The following MRPS28 variants were observed in gnomAD, a reference collection of about 807,000 sequenced individuals.
MRPS28 encodes the protein small ribosomal subunit protein bS1m.
In MRPS28, 7 loss-of-function variants were observed where a neutral mutation model predicts 10.8. The observed-to-expected ratio is 0.65, with a 90% CI of 0.37 to 1.22. MRPS28 has a LOEUF of 1.22. MRPS28 is among the 50% of genes most tolerant of loss of function. The probability of loss-of-function intolerance (pLI) is 0.02; values close to 1 mark genes in which losing one functional copy is unlikely to be tolerated. For missense variants in MRPS28, 265 were observed against 232.9 expected (o/e 1.14, Z -0.90); for synonymous variants, 121 against 93.3 (o/e 1.30, Z -1.71).
intron 2 of MRPS28, among the ~76,000 whole-genome samples, chr8:79,923,195 A>C (rs981451353): frequency 6.6e-6 from 1 of 152,208 alleles, no homozygotes; most frequent in Middle Eastern, 3.2e-3. Flanking sequence ...AAAAAACTAG[A>C]GATATCCTCC....
chr8:79,973,071 C>A (rs1807679192), intron 2 of MRPS28, among the ~76,000 whole-genome samples: 19 of 152,274 alleles, frequency 1.2e-4, no homozygotes, highest in Admixed American at 1.2e-3. Flanking sequence ...TGGTTTGGAA[C>A]ACAAAATGAA....
At chr8:79,977,873 CATAA>C (rs1208550923) in intron 2 of MRPS28, among the ~76,000 whole-genome samples, 10 of 151,702 alleles carry the variant, frequency 6.6e-5, no homozygotes, top group Non-Finnish European at 1.2e-4. Flanking sequence ...GAAACACTTG[CATAA>C]ATAGAATTTT....
chr8:79,962,376 G>A (rs1407466500), intron 2 of MRPS28, among the ~76,000 whole-genome samples: 1 of 152,082 alleles, frequency 6.6e-6, no homozygotes, highest in African/African-American at 2.4e-5. Flanking sequence ...TGGTTCAAAG[G>A]GCAGAATAAT....
chr8:79,974,363 C>A (rs1807728826), intron 2 of MRPS28, among the ~76,000 whole-genome samples: 2 of 151,666 alleles, frequency 1.3e-5, no homozygotes, highest in African/African-American at 4.8e-5. Flanking sequence ...ACACGGTGAC[C>A]CCTTGTCTCT....
intron 2 of MRPS28, among the ~76,000 whole-genome samples, chr8:79,984,204 C>T (rs560987760): frequency 2.0e-5 from 3 of 152,282 alleles, no homozygotes; most frequent in South Asian, 2.1e-4. Flanking sequence ...AAATAAAATC[C>T]TTTACAGACT....
At chr8:80,025,988 AAC>A (rs1563546301) in intron 1 of MRPS28, among the ~76,000 whole-genome samples, 3 of 152,214 alleles carry the variant, frequency 2.0e-5, no homozygotes, top group Non-Finnish European at 4.4e-5. Flanking sequence ...ATGCATAAAA[AAC>A]ACACTCTCCA....
In MRPS28 at chr8:80,017,441, T is replaced by C. The variant is rs116843743; in HGVS notation, c.213+12595A>G. Among the ~76,000 whole-genome samples, 293 of 151,846 alleles carry C rather than the reference T, an allele frequency of 1.9e-3. 2 individuals carry two copies. The highest frequency in any genetic ancestry group is 2.9e-3 in the Admixed American group (44 of 15,262). Reference sequence around the variant, plus strand: ...ATGAAAGAGAGGACATCACTACATATCCCATGAACATTAAAGAAATACTAT... The same window carrying C: ...ATGAAAGAGAGGACATCACTACATACCCCATGAACATTAAAGAAATACTAT... On this transcript the variant is annotated intron_variant, in intron 1 of 2. Transcript: ENST00000276585.
At chr8:79,972,287 G>A (rs1045471140) in intron 2 of MRPS28, among the ~76,000 whole-genome samples, 1 of 152,090 alleles carries the variant, frequency 6.6e-6, no homozygotes, top group African/African-American at 2.4e-5. Context: ...TTTATTAAAG[G>A]GACTTCAGCA....
chr8:79,925,679 A>C (rs773794707), intron 2 of MRPS28, among the ~76,000 whole-genome samples: 4 of 152,196 alleles, frequency 2.6e-5, no homozygotes, highest in Non-Finnish European at 5.9e-5. Flanking sequence ...CAAGTTACAA[A>C]AGAAGATGTG....
intron 2 of MRPS28, among the ~76,000 whole-genome samples, chr8:79,946,737 A>G (rs1478714716): frequency 6.6e-6 from 1 of 152,108 alleles, no homozygotes; most frequent in African/African-American, 2.4e-5. Flanking sequence ...TTCAGTATGG[A>G]AAAAAACGCT....
chr8:80,017,577 A>C (rs751928176), intron 1 of MRPS28, among the ~76,000 whole-genome samples: 8 of 152,216 alleles, frequency 5.3e-5, no homozygotes, highest in Non-Finnish European at 7.3e-5. Flanking sequence ...GAATAGGCCT[A>C]TGTCTATTAA....
At chr8:79,980,910 T>C (rs970024247) in intron 2 of MRPS28, among the ~76,000 whole-genome samples, 10 of 152,226 alleles carry the variant, frequency 6.6e-5, no homozygotes, top group African/African-American at 2.4e-4. Context: ...TCACCATCAC[T>C]ACCATTACTA....
intron 2 of MRPS28, among the ~76,000 whole-genome samples, chr8:79,945,227 C>T (rs1586050323): frequency 6.6e-6 from 1 of 152,132 alleles, no homozygotes; most frequent in South Asian, 2.1e-4. Flanking sequence ...GGAAAATATG[C>T]ATATATAATA....
At chr8:79,926,802 A>T (rs1810244550) in intron 2 of MRPS28, among the ~76,000 whole-genome samples, 1 of 152,170 alleles carries the variant, frequency 6.6e-6, no homozygotes, top group Non-Finnish European at 1.5e-5. Context: ...ATATCTGTGG[A>T]ATATTTTTAA....
chr8:79,955,843 A>T (rs1162889179), intron 2 of MRPS28, among the ~76,000 whole-genome samples: 2 of 152,236 alleles, frequency 1.3e-5, no homozygotes, highest in African/African-American at 4.8e-5. Flanking sequence ...TAAGAATGGC[A>T]ATTTTTTAGT....
At chr8:79,934,663 T>C (rs370664984) in intron 2 of MRPS28, among the ~76,000 whole-genome samples, 2 of 152,224 alleles carry the variant, frequency 1.3e-5, no homozygotes, top group East Asian at 1.9e-4. Flanking sequence ...TAGATTTATA[T>C]ATATGTTAAA....
chr8:79,997,985 G>A (rs1808551001), intron 2 of MRPS28, among the ~76,000 whole-genome samples: 1 of 151,438 alleles, frequency 6.6e-6, no homozygotes, highest in Admixed American at 6.6e-5. Context: ...AACCTGGGAG[G>A]CAGAAGTTGC....
At chr8:79,962,561 C>T (rs1036058268) in intron 2 of MRPS28, among the ~76,000 whole-genome samples, 4 of 152,154 alleles carry the variant, frequency 2.6e-5, no homozygotes, top group Non-Finnish European at 2.9e-5. Flanking sequence ...ACAACAGTTT[C>T]ACTCCTGATA....
At chr8:79,958,805 A>G (rs1238332797) in intron 2 of MRPS28, among the ~76,000 whole-genome samples, 1 of 152,172 alleles carries the variant, frequency 6.6e-6, no homozygotes, top group African/African-American at 2.4e-5. Flanking sequence ...AATGTTTCAC[A>G]TTTAACCCCC....
Sources: allele counts gnomAD v4.1 joint callset (sites outside exome capture counted in the v4.1 genomes callset), GRCh38; gene constraint gnomAD v4.1.1; transcripts MANE v1.5; gene names NCBI Gene and HGNC (gene_info 2026-07-23, HGNC 2026-07-21).